The following CNTNAP5 variants were observed in gnomAD, a reference collection of about 807,000 sequenced individuals.
The protein encoded by CNTNAP5 is contactin-associated protein-like 5.
A neutral mutation model predicts 150.2 loss-of-function variants in CNTNAP5; 72 were observed. The observed-to-expected ratio is 0.48, with a 90% CI of 0.40 to 0.58. The LOEUF (loss-of-function observed/expected upper bound fraction) is 0.58. CNTNAP5 is among the 20% of genes least tolerant of loss of function. The pLI is 0.00. For synonymous variants in CNTNAP5, 672 were observed against 619.8 expected (o/e 1.08, Z -1.25); for missense variants, 1,636 against 1,626.2 (o/e 1.01, Z -0.10).
chr2:124,841,616 T>A (rs1045029191), intron 19 of CNTNAP5, among the ~76,000 whole-genome samples: 1 of 152,078 alleles, frequency 6.6e-6, no homozygotes, highest in Non-Finnish European at 1.5e-5. Flanking sequence ...TTCACAGTAT[T>A]ATAATAGTCT....
At chr2:124,579,855 T>G (rs2104947719) in intron 11 of CNTNAP5, among the ~76,000 whole-genome samples, 1 of 151,416 alleles carries the variant, frequency 6.6e-6, no homozygotes, top group South Asian at 2.1e-4. Flanking sequence ...AAGGAGGGAG[T>G]TTTTAAGCAA....
intron 3 of CNTNAP5, among the ~76,000 whole-genome samples, chr2:124,273,924 G>C (rs566223362): frequency 1.3e-5 from 2 of 152,254 alleles, no homozygotes; most frequent in South Asian, 4.1e-4. Flanking sequence ...CTGGAGAAGA[G>C]GTACAAATTT....
chr2:124,640,880 A>G (rs1678077116), intron 12 of CNTNAP5, among the ~76,000 whole-genome samples: 1 of 151,952 alleles, frequency 6.6e-6, no homozygotes, highest in Admixed American at 6.6e-5. Flanking sequence ...TAATCCCAGC[A>G]CTTTGGGAGA....
chr2:124,641,455 A>G (rs73955533), intron 12 of CNTNAP5, among the ~76,000 whole-genome samples: 1,819 of 152,276 alleles, frequency 0.012, 32 homozygotes, highest in African/African-American at 0.041. Context: ...TATGATTTAA[A>G]TGGAGAGATA....
intron 11 of CNTNAP5, among the ~76,000 whole-genome samples, chr2:124,603,924 C>T (rs1261588363): frequency 6.6e-6 from 1 of 152,162 alleles, no homozygotes; most frequent in African/African-American, 2.4e-5. Flanking sequence ...ATTGTCCCAT[C>T]AAACTAACTC....
intron 1 of CNTNAP5, among the ~76,000 whole-genome samples, chr2:124,068,850 C>T (rs1470489479): frequency 6.6e-6 from 1 of 151,972 alleles, no homozygotes; most frequent in Admixed American, 6.6e-5. Flanking sequence ...TCTAGATATA[C>T]CGTAGGCCAG....
intron 3 of CNTNAP5, among the ~76,000 whole-genome samples, chr2:124,297,469 A>G (rs998077288): frequency 2.6e-5 from 4 of 152,152 alleles, no homozygotes; most frequent in Non-Finnish European, 4.4e-5. Flanking sequence ...GAAAATCTTT[A>G]TAAAATCCTA....
chr2:124,201,419 T>G (rs576399482), intron 1 of CNTNAP5, among the ~76,000 whole-genome samples: 1 of 152,344 alleles, frequency 6.6e-6, no homozygotes, highest in African/African-American at 2.4e-5. Flanking sequence ...GCCATATCCG[T>G]TATGTATGAT....
intron 13 of CNTNAP5, among the ~76,000 whole-genome samples, chr2:124,681,553 A>C (rs1283827960): frequency 6.6e-6 from 1 of 151,346 alleles, no homozygotes; most frequent in African/African-American, 2.4e-5. Context: ...ATTTGTTTTT[A>C]TTTTTGTTTG....
Position 124,459,758 on chromosome 2 carries a change from T to TAA in CNTNAP5, c.918+12842_918+12843dup, listed in dbSNP as rs11355936. ...GGGCAACAAGAGTGAAATTCCTCTG[T>TAA]AAAAAAAAAAAAAAAAAAAAAAGGA... is the stretch of plus-strand genomic sequence containing the variant. On this transcript the variant is annotated intron_variant, in intron 6 of 23. Coordinates refer to ENST00000682447, the MANE Select transcript of CNTNAP5 (RefSeq NM_001367498.1). Among the ~76,000 whole-genome samples, 524 of 113,396 alleles carry TAA rather than the reference T, an allele frequency of 4.6e-3. 2 individuals carry two copies. The highest frequency in any genetic ancestry group is 7.6e-3 in the Non-Finnish European group (437 of 57,174). 74.4% of individuals were successfully genotyped at this position (113,396 alleles called of 152,430 possible).
At chr2:124,275,911 T>C (rs1558830521) in intron 3 of CNTNAP5, among the ~76,000 whole-genome samples, 1 of 152,204 alleles carries the variant, frequency 6.6e-6, no homozygotes, top group Non-Finnish European at 1.5e-5. Context: ...TCTCCTGACT[T>C]GGATTCCTCA....
At chr2:124,580,652 A>G (rs1447818557) in intron 11 of CNTNAP5, among the ~76,000 whole-genome samples, 2 of 152,166 alleles carry the variant, frequency 1.3e-5, no homozygotes, top group African/African-American at 2.4e-5. Context: ...CATAACAGTT[A>G]CGTTTGGTCA....
chr2:124,105,463 GAA>G (rs1683153424), intron 1 of CNTNAP5, among the ~76,000 whole-genome samples: 1 of 152,112 alleles, frequency 6.6e-6, no homozygotes. Flanking sequence ...TCCAATCAGT[GAA>G]AAGAGTGGCA....
At chr2:124,145,794 T>TAA (rs759470861) in intron 1 of CNTNAP5, among the ~76,000 whole-genome samples, 3 of 29,526 alleles carry the variant, frequency 1.0e-4, no homozygotes, top group African/African-American at 2.2e-4. Context: ...TAAAGTATAA[T>TAA]AAAAAAAAAA....
At chr2:124,488,371 A>G (rs1573408018) in intron 7 of CNTNAP5, among the ~76,000 whole-genome samples, 3 of 152,142 alleles carry the variant, frequency 2.0e-5, no homozygotes, top group African/African-American at 7.2e-5. Context: ...TATAAAGTGG[A>G]TAGCTCTTTG....
At chr2:124,479,220 G>A (rs905042660) in intron 7 of CNTNAP5, among the ~76,000 whole-genome samples, 2 of 152,124 alleles carry the variant, frequency 1.3e-5, no homozygotes, top group African/African-American at 4.8e-5. Context: ...TACAGTACCT[G>A]TAATATGGAT....
Position 124,798,165 on chromosome 2 carries a change from A to G in CNTNAP5, c.3062A>G (p.Lys1021Arg). The change falls in exon 19 of 24, where the codon AAG (lysine) becomes AGG (arginine). Residue 1021 changes from lysine (K) to arginine (R), a missense_variant. Coordinates refer to ENST00000682447, the MANE Select transcript of CNTNAP5 (RefSeq NM_001367498.1). Reference protein sequence around the residue: ...YMFQEPYPVTKNISLSSSAIY... With the variant: ...YMFQEPYPVTRNISLSSSAIY... ...TTTCAAGAACCCTATCCTGTGACCA[A>G]GAATATAAGCCTCTCATCCTCAGCT... 6.2e-7 allele frequency: 1 copy of G among 1,613,910 alleles called. No individual in the cohort carries two copies. The highest frequency in any genetic ancestry group is 8.5e-7 in the Non-Finnish European group (1 of 1,179,838).
intron 1 of CNTNAP5, among the ~76,000 whole-genome samples, chr2:124,127,413 C>T (rs567036816): frequency 2.4e-4 from 36 of 152,158 alleles, no homozygotes; most frequent in Non-Finnish European, 3.5e-4. Flanking sequence ...TAAAAGAGGA[C>T]ACAAACAAAT....
At chr2:124,265,403 T>C (rs994323228) in intron 3 of CNTNAP5, among the ~76,000 whole-genome samples, 1 of 151,906 alleles carries the variant, frequency 6.6e-6, no homozygotes, top group South Asian at 2.1e-4. Flanking sequence ...ACTAATGGGG[T>C]CATTATCGCC....
Sources: gnomAD v4.1 joint callset for allele counts (sites outside exome capture counted in the v4.1 genomes callset) on GRCh38, gnomAD v4.1.1 for gene constraint, MANE v1.5 for transcripts, NCBI Gene and HGNC (gene_info 2026-07-23, HGNC 2026-07-21) for gene names.